Variants in IGSF9 observed in about 807,000 individuals in gnomAD.
IGSF9 encodes the protein immunoglobulin superfamily member 9, also known as protein turtle homolog A.
In IGSF9, 87 loss-of-function variants were observed where a neutral mutation model predicts 121.7. The observed-to-expected ratio is 0.71, with a 90% CI of 0.60 to 0.85. The LOEUF (loss-of-function observed/expected upper bound fraction) is 0.85. Ranked by LOEUF, IGSF9 falls within the 40% of genes least tolerant of loss-of-function variation. The pLI is 0.00. For missense variants in IGSF9, 1,462 were observed against 1,565.3 expected (o/e 0.93, Z 1.11); for synonymous variants, 640 against 648.4 (o/e 0.99, Z 0.20).
chr1:159,932,763 T>C lies in IGSF9; in HGVS notation c.1105-111A>G. ...AGAAACCCACAGCTGTGCAGAAGAC[T>C]CCAGCAGCTCCATGTCTAGGCCTGA... On this transcript the variant is annotated intron_variant, in intron 9 of 20. Coordinates refer to ENST00000368094, the MANE Select transcript of IGSF9 (RefSeq NM_001135050.2). This position sits in a 1 kb window ranked among gnomAD's most constrained non-coding sequence, Gnocchi z 4.1. 2 of 1,029,730 alleles carry C rather than the reference T, an allele frequency of 1.9e-6. No homozygotes were observed. Among genetic ancestry groups the C allele is most frequent in the Non-Finnish European group, 2.8e-6 (2 of 720,412 alleles). The allele number at this position is 1,029,730 out of a possible 1,614,324, so 63.8% of individuals were successfully genotyped here.
chr1:159,934,265 G>A lies in IGSF9; in HGVS notation c.1029C>T (p.Arg343=). Residue 343 remains arginine, a synonymous_variant, in exon 9 of 21, where the codon CGC becomes CGT. Transcript: ENST00000368094. ...GTGGGGGGTTGGCACGAACCGGGCA[G>A]CGGATCACCCCCGGCATGCCTATGG... The part of the protein sequence containing the change: ...PLPIGMPGVI[R]CPVRANPPLL... 1 of 1,613,854 alleles carries A rather than the reference G, an allele frequency of 6.2e-7. No homozygotes were observed.
intron 3 of IGSF9, 72 bp downstream of exon 3, chr1:159,942,891 C>T: frequency 3.1e-6 from 4 of 1,289,526 alleles, no homozygotes; most frequent in Non-Finnish European, 4.4e-6. Context: ...TCATAGGAGG[C>T]CTTGTGCGAC....
intron 3 of IGSF9, 64 bp downstream of exon 3, chr1:159,942,899 G>A (rs1031407670): frequency 9.7e-5 from 139 of 1,429,554 alleles, no homozygotes; most frequent in Middle Eastern, 1.8e-4. Context: ...GGCCTTGTGC[G>A]ACTCTACCCA....
At position 159,932,747 on chromosome 1, in the gene IGSF9, C is replaced by G; in HGVS notation, c.1105-95G>C. Reference sequence around the variant, plus strand: ...GAGAGGGGGCAGGATGAGAAACCCACAGCTGTGCAGAAGACTCCAGCAGCT... The same window carrying G: ...GAGAGGGGGCAGGATGAGAAACCCAGAGCTGTGCAGAAGACTCCAGCAGCT... On this transcript the variant is annotated intron_variant, in intron 9 of 20. Coordinates refer to ENST00000368094, the MANE Select transcript of IGSF9 (RefSeq NM_001135050.2). This position sits in a 1 kb window ranked among gnomAD's most constrained non-coding sequence, Gnocchi z 4.1. 1 of 1,260,350 alleles carries G rather than the reference C, an allele frequency of 7.9e-7. No individual in the cohort carries two copies. The highest frequency in any genetic ancestry group is 1.1e-6 in the Non-Finnish European group (1 of 916,056). 78.1% of individuals were successfully genotyped at this position (1,260,350 alleles called of 1,614,324 possible).
chr1:159,937,934 T>C (rs1651253504), intron 3 of IGSF9, 96 bp from the exon 4 acceptor site: 1 of 1,322,464 alleles, frequency 7.6e-7, no homozygotes. Flanking sequence ...AAGAACAGGC[T>C]CAGTCTCTCC....
In IGSF9 at chr1:159,943,140, G is replaced by A. The variant is rs766740630; in HGVS notation, c.70C>T (p.Pro24Ser). The A allele has an allele frequency of 1.9e-6, 3 of 1,592,932 alleles. 1 individual carries two copies. The highest frequency in any genetic ancestry group is 2.3e-5 in the South Asian group (2 of 88,048). The change falls in exon 3 of 21, where the codon CCT (proline) becomes TCT (serine). Residue 24 changes from proline (P) to serine (S), a missense_variant. Physicochemically the swap from Pro to Ser is moderately conservative, Grantham distance 74. Coordinates refer to ENST00000368094, the MANE Select transcript of IGSF9 (RefSeq NM_001135050.2). ...ISQGADGRGKPEVVSVVGRAG... is the reference protein window; with the variant it reads ...ISQGADGRGKSEVVSVVGRAG... The stretch of plus-strand genomic sequence containing the variant: ...CGGCCCACCACCGATACCACCTCAG[G>A]CTTCCCTCGACCTGCATGATGGGTG...
In IGSF9 at chr1:159,932,196, A is replaced by G; in HGVS notation, c.1246-268T>C. On this transcript the variant is annotated intron_variant, in intron 10 of 20. Coordinates refer to ENST00000368094, the MANE Select transcript of IGSF9 (RefSeq NM_001135050.2). This position sits in a 1 kb window ranked among gnomAD's most constrained non-coding sequence, Gnocchi z 4.1. ...GCTTAGGCAGGACTCTCAGAGATGT[A>G]CAAACCTCTGCAGAACATTCTTCCT... 1 of 572,958 alleles carries G rather than the reference A, an allele frequency of 1.7e-6. No individual in the cohort carries two copies. Among genetic ancestry groups the G allele is most frequent in the Non-Finnish European group, 3.1e-6 (1 of 323,098 alleles). The allele number at this position is 572,958 out of a possible 1,614,324, so 35.5% of individuals were successfully genotyped here.
In IGSF9 at chr1:159,943,381, C is replaced by A; in HGVS notation, c.58+16G>T. 1 of 1,564,626 alleles carries A rather than the reference C, an allele frequency of 6.4e-7. No homozygotes were observed. The highest frequency in any genetic ancestry group is 1.9e-5 in the Admixed American group (1 of 52,000). ...AAGGCTAACAGGGCATTCTTGAGCC[C>A]AAGAGCTCAGCTTACCGTCAGCCCC... On this transcript the variant is annotated intron_variant, in intron 2 of 20. Coordinates refer to ENST00000368094, the MANE Select transcript of IGSF9 (RefSeq NM_001135050.2).
In IGSF9 at chr1:159,932,284, A is replaced by G. The variant is rs1379070265; in HGVS notation, c.1245+228T>C. On this transcript the variant is annotated intron_variant, in intron 10 of 20. Coordinates refer to ENST00000368094, the MANE Select transcript of IGSF9 (RefSeq NM_001135050.2). The surrounding 1 kb of genome is among the most constrained non-coding windows in gnomAD (Gnocchi z 4.1). The stretch of plus-strand genomic sequence containing the variant: ...TAGTGAGAGTTGGGGCAAACAGGAT[A>G]TCTTACTTCTGGATGTGTGTGACTG... The G allele has an allele frequency of 1.7e-6, 1 of 591,996 alleles. No individual in the cohort carries two copies. Among genetic ancestry groups the G allele is most frequent in the East Asian group, 2.8e-5 (1 of 35,294 alleles). The allele number at this position is 591,996 out of a possible 1,614,324, so 36.7% of individuals were successfully genotyped here. A position where few individuals can be genotyped will look rare whatever the true frequency, so the allele number is the denominator to read the frequency against.
chr1:159,938,942 C>A (rs1270249285), intron 3 of IGSF9, among the ~76,000 whole-genome samples: 2 of 152,192 alleles, frequency 1.3e-5, no homozygotes, highest in Non-Finnish European at 2.9e-5. Flanking sequence ...AAACTGATCA[C>A]ACGTCACCTT....
chr1:159,944,339 C>A (rs1291715931), intron 1 of IGSF9, among the ~76,000 whole-genome samples: 1 of 152,156 alleles, frequency 6.6e-6, no homozygotes, highest in Non-Finnish European at 1.5e-5. Context: ...AGAGGAGGAG[C>A]TGCCTCCCCC....
chr1:159,929,533 T>G (rs1256137063), intron 17 of IGSF9, 105 bp downstream of exon 17: 3 of 1,476,988 alleles, frequency 2.0e-6, no homozygotes, highest in Non-Finnish European at 1.8e-6. Context: ...ACTAAGAGAA[T>G]GCACCTGGAT....
In IGSF9 at chr1:159,936,927, T is replaced by C; in HGVS notation, c.401-19A>G. On this transcript the variant is annotated intron_variant, in intron 4 of 20. Transcript: ENST00000368094. ...GGGGGTGCTGCAAGGGAGACAGGCATCAGGGGCCCCAGTGGGGCTGTCAGC... is the reference window on the plus strand; with the variant it reads ...GGGGGTGCTGCAAGGGAGACAGGCACCAGGGGCCCCAGTGGGGCTGTCAGC... 6.2e-7 allele frequency: 1 copy of C among 1,613,452 alleles called. No individual in the cohort carries two copies. Among genetic ancestry groups the C allele is most frequent in the Non-Finnish European group, 8.5e-7 (1 of 1,179,560 alleles).
rs1369282054 is a variant in IGSF9 at position 159,930,450 on chromosome 1, C to T, written c.1814-11G>A. On this transcript the variant is annotated splice_polypyrimidine_tract_variant and intron_variant, in intron 14 of 20. Coordinates refer to ENST00000368094, the MANE Select transcript of IGSF9 (RefSeq NM_001135050.2). ...GCGTGGTAGGAAGCCCTGCGTGGGA[C>T]AGAAAGGCAGGTCAGAGCAAGGATT... The T allele has an allele frequency of 7.2e-6, 11 of 1,525,888 alleles. No homozygotes were observed. The highest frequency in any genetic ancestry group is 8.8e-6 in the Non-Finnish European group (10 of 1,139,468). 94.5% of individuals were successfully genotyped at this position (1,525,888 alleles called of 1,614,324 possible). A position where few individuals can be genotyped will look rare whatever the true frequency, so the allele number is the denominator to read the frequency against.
chr1:159,945,135 C>T (rs1455337905), intron 1 of IGSF9, among the ~76,000 whole-genome samples: 4 of 151,898 alleles, frequency 2.6e-5, no homozygotes, highest in African/African-American at 9.7e-5. Context: ...CAGCTTCTCG[C>T]ACCTGATCTC....
chr1:159,927,764 C>G lies in IGSF9; in HGVS notation c.3354G>C (p.Glu1118Asp). Reference protein sequence around the residue: ...SSRLRPEAEPELGVKTPEEGC... With the variant: ...SSRLRPEAEPDLGVKTPEEGC... ...CTTTCCGGGGGGCTCACACACCTAG[C>G]TCTGGCTCAGCTTCAGGTCTGAGCC... Residue 1118 changes from glutamate (E) to aspartate (D), a missense_variant, in exon 20 of 21, where the codon GAG becomes GAC. By Grantham distance (45) the Glu-to-Asp change is conservative. This residue lies in a region of IGSF9 where 808 missense variants were observed against 815.2 expected (regional missense o/e 0.99). Coordinates refer to ENST00000368094, the MANE Select transcript of IGSF9 (RefSeq NM_001135050.2). 2 of 1,613,084 alleles carry G rather than the reference C, an allele frequency of 1.2e-6. No individual in the cohort carries two copies. Among genetic ancestry groups the G allele is most frequent in the Non-Finnish European group, 1.7e-6 (2 of 1,179,710 alleles).
chr1:159,929,996 C>G, intron 15 of IGSF9, 21 bp from the exon 16 acceptor site: 14 of 1,593,222 alleles, frequency 8.8e-6, no homozygotes, highest in Non-Finnish European at 1.1e-5. Context: ...GATGGGGTAC[C>G]AGGAGGGAGG....
In IGSF9 at chr1:159,932,630, G is replaced by T; in HGVS notation, c.1127C>A (p.Thr376Lys). The T allele has an allele frequency of 6.2e-7, 1 of 1,613,212 alleles. No homozygotes were observed. Among genetic ancestry groups the T allele is most frequent in the African/African-American group, 1.3e-5 (1 of 75,010 alleles). Residue 376 changes from threonine (T) to lysine (K), a missense_variant, in exon 10 of 21, where the codon ACA (threonine) becomes AAA (lysine). By Grantham distance (78) the Thr-to-Lys change is moderately conservative (BLOSUM62 -1). Transcript: ENST00000368094. The surrounding 1 kb of genome is among the most constrained non-coding windows in gnomAD (Gnocchi z 4.1). ...LDKFPGWSQG[T>K]EGSLIIALGN... is the part of the protein sequence containing the mutation. The stretch of plus-strand genomic sequence containing the variant: ...CAGGGCGATGATCAGTGAGCCTTCT[G>T]TGCCCTGGGACCAGCCAGGGAACTG...
intron 3 of IGSF9, among the ~76,000 whole-genome samples, chr1:159,940,217 G>A (rs1025039657): frequency 1.3e-5 from 2 of 152,238 alleles, no homozygotes; most frequent in African/African-American, 4.8e-5. Flanking sequence ...TGTTAGGACC[G>A]AGTGCTGTTC....
Sources: allele counts gnomAD v4.1 joint callset (sites outside exome capture counted in the v4.1 genomes callset), GRCh38; gene constraint gnomAD v4.1.1; regional missense constraint gnomAD v4.1.1; non-coding constraint Gnocchi (gnomAD v3.1); transcripts MANE v1.5; gene names NCBI Gene and HGNC (gene_info 2026-07-23, HGNC 2026-07-21).